The following FBRS variants were observed in gnomAD, a reference collection of about 807,000 sequenced individuals.
The protein encoded by FBRS is probable fibrosin-1.
Under a neutral mutation model 86.1 loss-of-function variants are expected in FBRS, and 15 were observed. The observed-to-expected ratio is 0.17, with a 90% CI of 0.12 to 0.27. The LOEUF is 0.27. Ranked by LOEUF, FBRS falls within the 10% of genes least tolerant of loss-of-function variation. The pLI, the probability that FBRS is intolerant of heterozygous loss-of-function variation, is 1.00. For synonymous variants in FBRS, 666 were observed against 575.8 expected, an observed-to-expected ratio of 1.16 and a Z score of -2.24; for missense variants, 1,367 against 1,301.6, an observed-to-expected ratio of 1.05 and a Z score of -0.77.
chr16:30,661,060 A>G, intron 2 of FBRS, 120 bp from the exon 3 acceptor site: 4 of 1,457,150 alleles, frequency 2.7e-6, no homozygotes, highest in Non-Finnish European at 3.7e-6. Context: ...CGGGAGAAGC[A>G]GCTGGAAGGA....
chr16:30,665,787 G>A lies in FBRS; in HGVS notation c.1773+81G>A, dbSNP rs758411240. ...AGAACTGACTTGAGGAGAGTGAACT[G>A]CTGATTCCTCCCTTGAATTCACAAT... On this transcript the variant is annotated intron_variant, in intron 11 of 17. Coordinates refer to ENST00000356166, the MANE Select transcript of FBRS (RefSeq NM_001105079.3). This position sits in a 1 kb window ranked among gnomAD's most constrained non-coding sequence, Gnocchi z 4.1. The A allele has an allele frequency of 1.4e-5, 19 of 1,332,570 alleles. No homozygotes were observed. Among genetic ancestry groups the A allele is most frequent in the Non-Finnish European group, 1.8e-5 (17 of 956,090 alleles). 82.5% of individuals were successfully genotyped at this position (1,332,570 alleles called of 1,614,324 possible).
chr16:30,662,885 G>A (rs1041363198), intron 6 of FBRS, 26 bp downstream of exon 6: 16 of 1,423,850 alleles, frequency 1.1e-5, no homozygotes, highest in African/African-American at 5.8e-5. Context: ...GGATTGATGC[G>A]GTCCGGAAGG....
Position 30,662,553 on chromosome 16 carries a change from C to A in FBRS, c.755-6C>A. 6 of 1,545,936 alleles carry A rather than the reference C, an allele frequency of 3.9e-6. No individual in the cohort carries two copies. Among genetic ancestry groups the A allele is most frequent in the Non-Finnish European group, 5.2e-6 (6 of 1,143,560 alleles). On this transcript the variant is annotated splice_region_variant and splice_polypyrimidine_tract_variant and intron_variant, in intron 5 of 17. Transcript: ENST00000356166. The stretch of plus-strand genomic sequence containing the variant: ...AACTGAGCATGTCTGCCATCCTGCC[C>A]CACAGCCTCGGGCCCCCACGGCGCC...
Position 30,669,902 on chromosome 16 carries a change from G to A in FBRS, c.*257G>A, listed in dbSNP as rs1037375143. 1.2e-4 allele frequency: 72 copies of A among 594,116 alleles called. No homozygotes were observed. The highest frequency in any genetic ancestry group is 1.7e-4 in the Non-Finnish European group (58 of 337,852). 36.8% of individuals were successfully genotyped at this position (594,116 alleles called of 1,614,324 possible). On this transcript the variant is annotated 3_prime_UTR_variant, in exon 18 of 18. Coordinates refer to ENST00000356166, the MANE Select transcript of FBRS (RefSeq NM_001105079.3). This position sits in a 1 kb window ranked among gnomAD's most constrained non-coding sequence, Gnocchi z 5.9. ...TGTGCATGGGAGTGTGGCTCATCTCGGGGGCCATGGGGCCTCCTGAGGTAC... is the reference window on the plus strand; with the variant it reads ...TGTGCATGGGAGTGTGGCTCATCTCAGGGGCCATGGGGCCTCCTGAGGTAC...
At position 30,659,512 on chromosome 16, in the gene FBRS, G is replaced by C. The variant is rs1461582491; in HGVS notation, c.-7G>C. 5 of 298,232 alleles carry C rather than the reference G, an allele frequency of 1.7e-5. No homozygotes were observed. The highest frequency in any genetic ancestry group is 3.1e-5 in the Non-Finnish European group (5 of 162,370). 18.5% of individuals were successfully genotyped at this position (298,232 alleles called of 1,614,324 possible). Reference sequence around the variant, plus strand: ...CGCCTCCGGATGCGGCGCTGAGGGCGGTCGCCATGGAGACGGCAGCGGCCG... The same window carrying C: ...CGCCTCCGGATGCGGCGCTGAGGGCCGTCGCCATGGAGACGGCAGCGGCCG... On this transcript the variant is annotated 5_prime_UTR_variant, in exon 1 of 18. Transcript: ENST00000356166.
At position 30,660,334 on chromosome 16, in the gene FBRS, G is replaced by T; in HGVS notation, c.531G>T (p.Gly177=). 1.5e-6 allele frequency: 2 copies of T among 1,300,406 alleles called. No homozygotes were observed. The highest frequency in any genetic ancestry group is 2.0e-6 in the Non-Finnish European group (2 of 1,015,172). The allele number at this position is 1,300,406 out of a possible 1,614,324, so 80.6% of individuals were successfully genotyped here. A position where few individuals can be genotyped will look rare whatever the true frequency, so the allele number is the denominator to read the frequency against. Residue 177 remains glycine, a synonymous_variant, in exon 2 of 18, where the codon GGG becomes GGT. Transcript: ENST00000356166. ...AGCATTCTGGGAAGCGGAAAAGGGG[G>T]GGCTCCAGTGGGGCCACCGGGGAGC... is the stretch of plus-strand genomic sequence containing the variant. The part of the protein sequence containing the change: ...RLKHSGKRKR[G]GSSGATGEPG...
chr16:30,660,204 T>C, intron 1 of FBRS, 59 bp from the exon 2 acceptor site: 1 of 1,384,064 alleles, frequency 7.2e-7, no homozygotes, highest in Non-Finnish European at 9.4e-7. Flanking sequence ...TGGTCACCCC[T>C]AGAGGGGTTG....
In FBRS at chr16:30,662,374, C is replaced by G. The variant is rs1156728108; in HGVS notation, c.706-46C>G. 1.7e-5 allele frequency: 26 copies of G among 1,549,328 alleles called. 1 individual carries two copies. The highest frequency in any genetic ancestry group is 2.2e-5 in the Non-Finnish European group (25 of 1,146,896). The stretch of plus-strand genomic sequence containing the variant: ...CTATTTGGCCTTCCTGGGTGGAGGC[C>G]TGGCCCACCCACAACCTAACTCTAT... On this transcript the variant is annotated intron_variant, in intron 4 of 17. Transcript: ENST00000356166.
intron 15 of FBRS, 98 bp downstream of exon 15, chr16:30,667,720 T>C: frequency 9.2e-7 from 1 of 1,088,064 alleles, no homozygotes; most frequent in Non-Finnish European, 1.3e-6. Flanking sequence ...AGGATAGACC[T>C]GGTTCCACTT....
At chr16:30,664,193 A>T in intron 6 of FBRS, 22 bp from the exon 7 acceptor site, 1 of 1,095,782 alleles carries the variant, frequency 9.1e-7, no homozygotes, top group African/African-American at 2.1e-5. Flanking sequence ...CCCCTCACTC[A>T]TCTCCCCACT....
chr16:30,661,781 G>A (rs2052464928), intron 4 of FBRS, among the ~76,000 whole-genome samples: 1 of 152,018 alleles, frequency 6.6e-6, no homozygotes, highest in African/African-American at 2.4e-5. Context: ...ATCCTTAGGG[G>A]CGATTTGCTT....
Position 30,665,293 on chromosome 16 carries a change from C to T in FBRS, c.1609-13C>T, listed in dbSNP as rs1226079970. 2.6e-6 allele frequency: 4 copies of T among 1,557,332 alleles called. No homozygotes were observed. Among genetic ancestry groups the T allele is most frequent in the Middle Eastern group, 1.7e-4 (1 of 6,020 alleles). On this transcript the variant is annotated splice_polypyrimidine_tract_variant and intron_variant, in intron 9 of 17. Transcript: ENST00000356166. The surrounding 1 kb of genome is among the most constrained non-coding windows in gnomAD (Gnocchi z 4.1). ...TCCACCCCCACCTGTACTAGTCCCC[C>T]TTCTCTCCACAGCCGTACACGGCCT...
rs556671848 is a variant in FBRS at position 30,658,659 on chromosome 16, C to G, written c.-860C>G. 1 of 152,424 alleles carries G rather than the reference C, an allele frequency of 6.6e-6. No individual in the cohort carries two copies. The highest frequency in any genetic ancestry group is 1.9e-4 in the East Asian group (1 of 5,176). 9.4% of individuals were successfully genotyped at this position (152,424 alleles called of 1,614,324 possible). ...AGGGGAGCTGTACCCGTCACCGTTG[C>G]CTCACATCCGGGGCTTTGGAGGGCT... On this transcript the variant is annotated 5_prime_UTR_variant, in exon 1 of 18. Coordinates refer to ENST00000356166, the MANE Select transcript of FBRS (RefSeq NM_001105079.3).
rs563948338 is a variant in FBRS at position 30,662,394 on chromosome 16, C to T, written c.706-26C>T. On this transcript the variant is annotated intron_variant, in intron 4 of 17. Coordinates refer to ENST00000356166, the MANE Select transcript of FBRS (RefSeq NM_001105079.3). ...GAGGCCTGGCCCACCCACAACCTAA[C>T]TCTATCCCTTGCCCTTCTTCCCCAG... 28 of 1,550,048 alleles carry T rather than the reference C, an allele frequency of 1.8e-5. 1 individual carries two copies. In the East Asian group the frequency reaches 3.4e-4, roughly 19 times the overall value.
Position 30,670,068 on chromosome 16 carries a change from G to A in FBRS, c.*423G>A, listed in dbSNP as rs543020146. 102 of 487,216 alleles carry A rather than the reference G, an allele frequency of 2.1e-4. No homozygotes were observed. Among genetic ancestry groups the A allele is most frequent in the African/African-American group, 1.9e-3 (96 of 51,314 alleles). The allele number at this position is 487,216 out of a possible 1,614,324, so 30.2% of individuals were successfully genotyped here. On this transcript the variant is annotated 3_prime_UTR_variant, in exon 18 of 18. Transcript: ENST00000356166. Reference sequence around the variant, plus strand: ...GAGGGCTGGGGGAGGAGGGGCTCAAGGAAGGGGGGTTCCATGTACATATTT... The same window carrying A: ...GAGGGCTGGGGGAGGAGGGGCTCAAAGAAGGGGGGTTCCATGTACATATTT...
At chr16:30,662,307 A>G in intron 4 of FBRS, 113 bp from the exon 5 acceptor site, 2 of 1,479,200 alleles carry the variant, frequency 1.4e-6, no homozygotes, top group Non-Finnish European at 1.8e-6. Context: ...AACTGAAGGA[A>G]CAGACTTGCC....
At chr16:30,666,038 G>T (rs1325016347) in intron 11 of FBRS, 2 of 404,718 alleles carry the variant, frequency 4.9e-6, no homozygotes, top group Non-Finnish European at 8.9e-6. Context: ...CTGCCCCTTG[G>T]TGAAGTGAGG....
Position 30,664,240 on chromosome 16 carries a change from C to T in FBRS, c.1081C>T (p.Pro361Ser). The T allele has an allele frequency of 6.8e-7, 1 of 1,463,394 alleles. No individual in the cohort carries two copies. Among genetic ancestry groups the T allele is most frequent in the Non-Finnish European group, 9.1e-7 (1 of 1,094,590 alleles). The allele number at this position is 1,463,394 out of a possible 1,614,324, so 90.7% of individuals were successfully genotyped here. Residue 361 changes from proline (P) to serine (S), a missense_variant, in exon 7 of 18, where the codon CCG becomes TCG. Physicochemically the swap from Pro to Ser is moderately conservative, Grantham distance 74. Transcript: ENST00000356166. ...GSSSRPPPKA[P>S]APPVAQPPPS... is the part of the protein sequence containing the mutation. ...CTCTTCACGGCCGCCCCCCAAGGCC[C>T]CGGCCCCTCCCGTGGCTCAGCCTCC... is the stretch of plus-strand genomic sequence containing the variant.
intron 4 of FBRS, chr16:30,662,051 T>C (rs2052469068): frequency 8.5e-6 from 2 of 234,772 alleles, no homozygotes; most frequent in South Asian, 1.4e-4. Flanking sequence ...GATTCTTAAA[T>C]ATCTGCAGTT....
Sources: allele counts gnomAD v4.1 joint callset (sites outside exome capture counted in the v4.1 genomes callset), GRCh38; gene constraint gnomAD v4.1.1; non-coding constraint Gnocchi (gnomAD v3.1); transcripts MANE v1.5; gene names NCBI Gene and HGNC (gene_info 2026-07-23, HGNC 2026-07-21).